Variants in CHRM5 observed in about 807,000 individuals in gnomAD.
CHRM5 encodes cholinergic receptor muscarinic 5, also known as muscarinic acetylcholine receptor M5.
A neutral mutation model predicts 39.0 loss-of-function variants in CHRM5; 18 were observed. That is an observed-to-expected ratio of 0.46 (90% confidence interval 0.32 to 0.68). The LOEUF (loss-of-function observed/expected upper bound fraction) is 0.68, where lower values mean the gene tolerates loss of function less well. Among genes scored for constraint, CHRM5 ranks in the 30% least tolerant of loss-of-function variants. The pLI is 0.04. For synonymous variants in CHRM5, 241 were observed against 246.3 expected, an observed-to-expected ratio of 0.98 and a Z score of 0.20; for missense variants, 515 against 651.1, an observed-to-expected ratio of 0.79 and a Z score of 2.28.
At chr15:34,003,252 C>T in intron 1 of CHRM5, 1 of 1,596,510 alleles carries the variant, frequency 6.3e-7, no homozygotes, top group Non-Finnish European at 8.5e-7. Context: ...CAGTGGAAAT[C>T]CTGACCTTAG....
chr15:34,045,009 C>A (rs968459343), intron 1 of CHRM5, among the ~76,000 whole-genome samples: 5 of 152,194 alleles, frequency 3.3e-5, no homozygotes, highest in Admixed American at 1.3e-4. Context: ...GATCGTGCCA[C>A]TGCACTCCAG....
chr15:34,032,838 A>C (rs1898925564), intron 1 of CHRM5, among the ~76,000 whole-genome samples: 1 of 152,344 alleles, frequency 6.6e-6, no homozygotes, highest in South Asian at 2.1e-4. Context: ...GAGGATGTGT[A>C]ACTCTAAAGA....
intron 1 of CHRM5, among the ~76,000 whole-genome samples, chr15:33,989,395 C>T (rs1416810647): frequency 1.3e-5 from 2 of 151,758 alleles, no homozygotes; most frequent in Non-Finnish European, 1.5e-5. Context: ...GTCACAACTA[C>T]CCCTAGATTA....
intron 2 of CHRM5, among the ~76,000 whole-genome samples, chr15:34,059,088 G>T (rs539415343): frequency 8.6e-5 from 13 of 152,044 alleles, no homozygotes; most frequent in African/African-American, 3.1e-4. Context: ...GTAGAGACAG[G>T]GTTTCATCAT....
chr15:33,992,283 G>C (rs1026305773), intron 1 of CHRM5, among the ~76,000 whole-genome samples: 7 of 152,134 alleles, frequency 4.6e-5, no homozygotes, highest in African/African-American at 1.7e-4. Flanking sequence ...CCAGCTACTC[G>C]GGAGGCTGAG....
Position 34,053,319 on chromosome 15 carries a change from AATAT to A in CHRM5, c.-76+6469_-76+6472del, listed in dbSNP as rs71119922. 6.6e-3 allele frequency among the ~76,000 whole-genome samples: 276 copies of A among 42,056 alleles called. 8 individuals carry two copies. Among genetic ancestry groups the A allele is most frequent in the African/African-American group, 0.014 (180 of 12,560 alleles). 27.6% of individuals were successfully genotyped at this position (42,056 alleles called of 152,430 possible). A position where few individuals can be genotyped will look rare whatever the true frequency, so the allele number is the denominator to read the frequency against. ...CATCTCAAAAAAAAAAAAAAAAAAA[AATAT>A]ATATATATATATATATATATGGAAC... On this transcript the variant is annotated intron_variant, in intron 2 of 2. Coordinates refer to ENST00000383263, the MANE Select transcript of CHRM5 (RefSeq NM_012125.4).
chr15:33,986,097 T>C (rs1320873942), intron 1 of CHRM5, among the ~76,000 whole-genome samples: 1 of 17,094 alleles, frequency 5.9e-5, no homozygotes, highest in Non-Finnish European at 3.9e-3. Context: ...TGTAAATTTT[T>C]TTTTTTGTTT....
intron 1 of CHRM5, among the ~76,000 whole-genome samples, chr15:34,033,651 A>G (rs542457327): frequency 6.6e-6 from 1 of 152,360 alleles, no homozygotes; most frequent in Admixed American, 6.5e-5. Flanking sequence ...AAGACATGAA[A>G]TGGTAACCAC....
At chr15:33,977,256 C>A (rs1052659752) in intron 1 of CHRM5, among the ~76,000 whole-genome samples, 4 of 151,908 alleles carry the variant, frequency 2.6e-5, no homozygotes, top group African/African-American at 9.7e-5. Context: ...TTTAGGATAA[C>A]AAGAACAAGC....
intron 1 of CHRM5, among the ~76,000 whole-genome samples, chr15:33,985,333 A>G (rs903001844): frequency 2.4e-5 from 2 of 83,968 alleles, no homozygotes; most frequent in African/African-American, 5.0e-5. Flanking sequence ...AGTCCTGTAC[A>G]TGCTGTGGGC....
chr15:34,003,599 A>C (rs150352854), intron 1 of CHRM5, among the ~76,000 whole-genome samples: 1 of 152,362 alleles, frequency 6.6e-6, no homozygotes, highest in East Asian at 1.9e-4. Flanking sequence ...TTACAAACAC[A>C]TTCCATAAAC....
At chr15:34,000,211 T>C (rs148009091) in intron 1 of CHRM5, among the ~76,000 whole-genome samples, 306 of 152,370 alleles carry the variant, frequency 2.0e-3, no homozygotes, top group African/African-American at 7.0e-3. Flanking sequence ...ATTTCTATTC[T>C]AAGCAATTAT....
intron 1 of CHRM5, among the ~76,000 whole-genome samples, chr15:33,988,276 C>T (rs542952879): frequency 9.6e-4 from 146 of 152,240 alleles, no homozygotes; most frequent in Middle Eastern, 3.4e-3. Flanking sequence ...CAATATATTT[C>T]GATTTTAATG....
Position 34,063,614 on chromosome 15 carries a change from G to A in CHRM5, c.897G>A (p.Gln299=). 6.2e-7 allele frequency: 1 copy of A among 1,613,962 alleles called. No individual in the cohort carries two copies. ...GCGCCAATTGGGCCAAAGCTGAGCA[G>A]CTCACCACCTGTAGCAGCTACCCTT... ...GPSANWAKAE[Q]LTTCSSYPSS... The change falls in exon 3 of 3, where the codon CAG becomes CAA. Residue 299 remains glutamine (Q), a synonymous_variant. Transcript: ENST00000383263. The surrounding 1 kb of genome is among the most constrained non-coding windows in gnomAD (Gnocchi z 4.1).
Position 34,013,070 on chromosome 15 carries a change from T to G in CHRM5, c.-407-33470T>G, listed in dbSNP as rs553194193. 5.8e-4 allele frequency among the ~76,000 whole-genome samples: 85 copies of G among 145,402 alleles called. 1 individual carries two copies. Among genetic ancestry groups the G allele is most frequent in the Middle Eastern group, 3.7e-3 (1 of 272 alleles). On this transcript the variant is annotated intron_variant, in intron 1 of 2. Coordinates refer to ENST00000383263, the MANE Select transcript of CHRM5 (RefSeq NM_012125.4). ...TCACAGTGGTTTTTTTGTTTGTTTG[T>G]TTGTTTTTTGAGACAGAGTCTCACT...
intron 1 of CHRM5, among the ~76,000 whole-genome samples, chr15:34,044,080 G>A (rs368790734): frequency 5.5e-5 from 8 of 144,812 alleles, no homozygotes; most frequent in African/African-American, 1.3e-4. Context: ...CTGTATTTTC[G>A]CCCTTTAAAA....
chr15:34,059,917 T>G (rs1214697588), intron 2 of CHRM5, among the ~76,000 whole-genome samples: 1 of 152,238 alleles, frequency 6.6e-6, no homozygotes, highest in Admixed American at 6.5e-5. Flanking sequence ...ATTAGCCTAT[T>G]CCATGGTATC....
At chr15:34,021,341 A>G (rs565328704) in intron 1 of CHRM5, among the ~76,000 whole-genome samples, 12 of 151,444 alleles carry the variant, frequency 7.9e-5, no homozygotes, top group East Asian at 2.0e-4. Context: ...ACTGGAGTAC[A>G]ATGGCGCCAT....
chr15:34,027,386 A>G (rs2632078), intron 1 of CHRM5, among the ~76,000 whole-genome samples: 97,024 of 151,446 alleles, frequency 0.64, 36,399 homozygotes, highest in Non-Finnish European at 0.84. Context: ...AAAAACAGCC[A>G]GGCGTGTTGG....
Sources: allele counts gnomAD v4.1 joint callset (sites outside exome capture counted in the v4.1 genomes callset), GRCh38; gene constraint gnomAD v4.1.1; non-coding constraint Gnocchi (gnomAD v3.1); transcripts MANE v1.5; gene names NCBI Gene and HGNC (gene_info 2026-07-23, HGNC 2026-07-21).